Variants in AGBL1 observed in about 807,000 individuals in gnomAD.
AGBL1 encodes cytosolic carboxypeptidase 4.
Under a neutral mutation model 118.9 loss-of-function variants are expected in AGBL1, and 130 were observed. That is an observed-to-expected ratio of 1.09 (90% confidence interval 0.95 to 1.26). The LOEUF is 1.26. Among genes scored for constraint, AGBL1 ranks in the 50% most tolerant of loss-of-function variants. AGBL1 has a pLI of 0.00. For synonymous variants in AGBL1, 555 were observed against 478.9 expected, an observed-to-expected ratio of 1.16 and a Z score of -2.08; for missense variants, 1,584 against 1,298.1, an observed-to-expected ratio of 1.22 and a Z score of -3.38.
At chr15:86,190,102 CAT>C (rs2077695747) in intron 5 of AGBL1, among the ~76,000 whole-genome samples, 3 of 152,100 alleles carry the variant, frequency 2.0e-5, no homozygotes, top group Non-Finnish European at 2.9e-5. Context: ...TTTTTCATTG[CAT>C]AGTGGTAATA....
At chr15:86,445,830 TG>T (rs2142061582) in intron 18 of AGBL1, among the ~76,000 whole-genome samples, 1 of 152,308 alleles carries the variant, frequency 6.6e-6, no homozygotes, top group South Asian at 2.1e-4. Flanking sequence ...TACAGCACGT[TG>T]TATTAAATCA....
At chr15:86,978,417 A>G (rs964480310) in intron 23 of AGBL1, among the ~76,000 whole-genome samples, 2 of 152,236 alleles carry the variant, frequency 1.3e-5, no homozygotes. Context: ...CAAATTTAGC[A>G]ACGAAGATTT....
intron 22 of AGBL1, among the ~76,000 whole-genome samples, chr15:86,678,623 A>C (rs1325286626): frequency 3.9e-5 from 6 of 152,038 alleles, no homozygotes; most frequent in Non-Finnish European, 1.5e-5. Flanking sequence ...TGGTTTATTG[A>C]CATTGAATAT....
intron 18 of AGBL1, among the ~76,000 whole-genome samples, chr15:86,466,810 G>T (rs2082414000): frequency 6.6e-6 from 1 of 152,180 alleles, no homozygotes; most frequent in Admixed American, 6.5e-5. Context: ...ATATGCCTGG[G>T]TATCAGCAGT....
intron 21 of AGBL1, among the ~76,000 whole-genome samples, chr15:86,594,215 T>C (rs1456999563): frequency 6.6e-6 from 1 of 152,174 alleles, no homozygotes; most frequent in East Asian, 1.9e-4. Flanking sequence ...CTAGCCCTGA[T>C]TGATTTTTAA....
At chr15:86,691,400 G>A (rs917701063) in intron 22 of AGBL1, among the ~76,000 whole-genome samples, 1 of 152,044 alleles carries the variant, frequency 6.6e-6, no homozygotes, top group East Asian at 1.9e-4. Context: ...CTGAATTAGT[G>A]AATCATTTTA....
chr15:86,971,761 C>T (rs1465046039), intron 23 of AGBL1, among the ~76,000 whole-genome samples: 1 of 151,866 alleles, frequency 6.6e-6, no homozygotes, highest in East Asian at 1.9e-4. Context: ...CTTTGTGTCC[C>T]CACCAAAATC....
At chr15:86,251,754 T>C (rs968884048) in intron 7 of AGBL1, among the ~76,000 whole-genome samples, 27 of 151,650 alleles carry the variant, frequency 1.8e-4, no homozygotes, top group Non-Finnish European at 8.8e-5. Context: ...TAATGTAGTA[T>C]AATGGAATCT....
At chr15:86,837,517 C>T (rs927418396) in intron 22 of AGBL1, among the ~76,000 whole-genome samples, 1 of 152,120 alleles carries the variant, frequency 6.6e-6, no homozygotes, top group African/African-American at 2.4e-5. Flanking sequence ...AAAGGCAGAG[C>T]TGAGGAGCTG....
chr15:86,089,052 CATAAT>C (rs1895855040), intron 1 of AGBL1, among the ~76,000 whole-genome samples: 1 of 152,160 alleles, frequency 6.6e-6, no homozygotes. Flanking sequence ...AAGTTTGAGA[CATAAT>C]ATATGTCATT....
chr15:86,560,882 G>C (rs2083808526), intron 21 of AGBL1, among the ~76,000 whole-genome samples: 1 of 152,202 alleles, frequency 6.6e-6, no homozygotes, highest in Non-Finnish European at 1.5e-5. Context: ...GCATTTCTCT[G>C]ATGGCCAGTG....
intron 22 of AGBL1, among the ~76,000 whole-genome samples, chr15:86,712,839 T>C (rs1039477876): frequency 1.3e-5 from 2 of 152,174 alleles, no homozygotes; most frequent in Non-Finnish European, 2.9e-5. Flanking sequence ...GGGCTGGAGC[T>C]GAAGCTTAGC....
chr15:86,286,075 T>G (rs936581189), intron 16 of AGBL1, among the ~76,000 whole-genome samples: 1 of 151,934 alleles, frequency 6.6e-6, no homozygotes, highest in African/African-American at 2.4e-5. Flanking sequence ...CTGCTTTTTG[T>G]TTTTCATTTA....
chr15:86,190,499 G>A (rs566540125), intron 5 of AGBL1, among the ~76,000 whole-genome samples: 1 of 151,750 alleles, frequency 6.6e-6, no homozygotes, highest in Non-Finnish European at 1.5e-5. Flanking sequence ...TATTATTTTT[G>A]TCTGTTTGGT....
chr15:86,847,524 T>C (rs2079336813), intron 22 of AGBL1, among the ~76,000 whole-genome samples: 1 of 152,184 alleles, frequency 6.6e-6, no homozygotes, highest in South Asian at 2.1e-4. Context: ...GTTTTGAAAA[T>C]TTTTGTTTTT....
chr15:86,134,603 C>CTTTTT (rs1567076426), intron 1 of AGBL1, among the ~76,000 whole-genome samples: 1 of 114,314 alleles, frequency 8.7e-6, no homozygotes. Flanking sequence ...ATCAATGGTG[C>CTTTTT]CTTTTTTTTT....
chr15:86,150,437 G>C (rs529554545), intron 3 of AGBL1, among the ~76,000 whole-genome samples: 1 of 152,068 alleles, frequency 6.6e-6, no homozygotes, highest in Non-Finnish European at 1.5e-5. Context: ...AGTGATAAAG[G>C]GGATATCACC....
At chr15:86,890,471 GC>G (rs2080037358) in intron 22 of AGBL1, among the ~76,000 whole-genome samples, 2 of 152,168 alleles carry the variant, frequency 1.3e-5, no homozygotes, top group South Asian at 4.1e-4. Flanking sequence ...CTTTGCCTGT[GC>G]CTGTGTCCTG....
chr15:86,386,693 C>G (rs748751575), intron 17 of AGBL1, among the ~76,000 whole-genome samples: 1 of 152,032 alleles, frequency 6.6e-6, no homozygotes, highest in Non-Finnish European at 1.5e-5. Context: ...ATCCCCATTA[C>G]CTCCCTCTGC....
Sources: allele counts gnomAD v4.1 joint callset (sites outside exome capture counted in the v4.1 genomes callset), GRCh38; gene constraint gnomAD v4.1.1; transcripts MANE v1.5; gene names NCBI Gene and HGNC (gene_info 2026-07-23, HGNC 2026-07-21).